The following WDPCP variants were observed in gnomAD, a reference collection of about 807,000 sequenced individuals.
The protein encoded by WDPCP is WD repeat-containing and planar cell polarity effector protein fritz homolog.
WDPCP carries 71 observed loss-of-function variants against 93.1 expected under a neutral mutation model. The ratio of observed to expected loss-of-function variants is 0.76; its 90% CI spans 0.63 to 0.93. WDPCP has a LOEUF of 0.93. WDPCP is among the 40% of genes least tolerant of loss of function. The pLI is 0.00. For synonymous variants in WDPCP, 315 were observed against 315.0 expected (o/e 1.00, Z 0.00); for missense variants, 844 against 887.4 (o/e 0.95, Z 0.62).
At chr2:63,467,359 A>G (rs1280594866) in intron 6 of WDPCP, among the ~76,000 whole-genome samples, 2 of 151,860 alleles carry the variant, frequency 1.3e-5, no homozygotes, top group South Asian at 4.2e-4. Flanking sequence ...ACACACTTAT[A>G]ATCCCAGCTG....
At position 63,362,258 on chromosome 2, in the gene WDPCP, C is replaced by CTTTT. The variant is rs67493046; in HGVS notation, c.1748+16124_1748+16127dup. 2.5e-3 allele frequency among the ~76,000 whole-genome samples: 235 copies of CTTTT among 93,232 alleles called. 12 individuals are homozygous for CTTTT. The highest frequency in any genetic ancestry group is 7.9e-3 in the Middle Eastern group (1 of 126). The allele number at this position is 93,232 out of a possible 152,430, so 61.2% of individuals were successfully genotyped here. A position where few individuals can be genotyped will look rare whatever the true frequency, so the allele number is the denominator to read the frequency against. ...TATCCTGGTAAAATCGGTAGAATCC[C>CTTTT]TTTTTTTTTTTTTTTTGGTTGTGTG... On this transcript the variant is annotated intron_variant, in intron 12 of 17. Coordinates refer to ENST00000272321, the MANE Select transcript of WDPCP (RefSeq NM_015910.7).
At chr2:63,721,820 G>T (rs6731502) in intron 2 of WDPCP, among the ~76,000 whole-genome samples, 4,538 of 151,398 alleles carry the variant, frequency 0.03, 184 homozygotes, top group African/African-American at 0.11. Flanking sequence ...CTGCCATCTC[G>T]GCTCACTGCA....
intron 14 of WDPCP, among the ~76,000 whole-genome samples, chr2:63,248,678 TCCCATAAATCTCATAGG>T (rs1680477789): frequency 6.6e-6 from 1 of 152,164 alleles, no homozygotes; most frequent in Admixed American, 6.6e-5. Flanking sequence ...TTTGATGATG[TCCCATAAATCTCATAGG>T]TTTAGTTCAC....
chr2:63,172,799 T>G (rs1471934437), intron 15 of WDPCP, among the ~76,000 whole-genome samples: 1 of 152,102 alleles, frequency 6.6e-6, no homozygotes, highest in Non-Finnish European at 1.5e-5. Flanking sequence ...GAAGACGCTA[T>G]AAAGTACCAT....
At chr2:63,433,679 TAGAA>T (rs1458689970) in intron 9 of WDPCP, 62 bp downstream of exon 9, 25 of 1,390,194 alleles carry the variant, frequency 1.8e-5, no homozygotes, top group Non-Finnish European at 2.4e-5. Flanking sequence ...TATTTCAGAA[TAGAA>T]AATCTAATAA....
At chr2:63,832,546 G>T (rs1054928234), upstream of WDPCP, among the ~76,000 whole-genome samples, 1 of 152,140 alleles carries the variant, frequency 6.6e-6, no homozygotes, top group Admixed American at 6.6e-5. Flanking sequence ...TATTACTGCA[G>T]GACTTGCTTA....
At chr2:63,259,438 G>T in intron 13 of WDPCP, 29 bp from the exon 14 acceptor site, 4 of 1,559,076 alleles carry the variant, frequency 2.6e-6, no homozygotes, top group South Asian at 2.2e-5. Flanking sequence ...ATAAAAGATT[G>T]ATTCAAAATG....
chr2:63,832,692 T>A (rs1432069795), upstream of WDPCP, among the ~76,000 whole-genome samples: 1 of 152,258 alleles, frequency 6.6e-6, no homozygotes, highest in African/African-American at 2.4e-5. Context: ...AATTCATTCA[T>A]AAATATCTCA....
At chr2:63,237,647 T>C (rs1331848352) in intron 14 of WDPCP, among the ~76,000 whole-genome samples, 1 of 152,054 alleles carries the variant, frequency 6.6e-6, no homozygotes, top group Admixed American at 6.6e-5. Context: ...TAGTCAGTCA[T>C]AAAAAAGAAT....
intron 12 of WDPCP, among the ~76,000 whole-genome samples, chr2:63,317,090 G>C (rs1686699611): frequency 1.3e-5 from 2 of 152,134 alleles, no homozygotes; most frequent in Admixed American, 1.3e-4. Flanking sequence ...TGGATAATAA[G>C]AATCAATACC....
At chr2:63,146,411 T>G (rs1003760594) in intron 17 of WDPCP, among the ~76,000 whole-genome samples, 7 of 151,292 alleles carry the variant, frequency 4.6e-5, no homozygotes, top group Non-Finnish European at 1.0e-4. Flanking sequence ...AGCGTGTTTT[T>G]TTTTTTTTTT....
intron 17 of WDPCP, among the ~76,000 whole-genome samples, chr2:63,130,773 A>C (rs1179243598): frequency 1.3e-5 from 2 of 152,010 alleles, no homozygotes; most frequent in Non-Finnish European, 2.9e-5. Flanking sequence ...TGGTTGTCCT[A>C]TCGATTATTG....
At chr2:63,583,353 G>C (rs1369790616) in intron 1 of WDPCP, among the ~76,000 whole-genome samples, 1 of 152,138 alleles carries the variant, frequency 6.6e-6, no homozygotes, top group Non-Finnish European at 1.5e-5. Context: ...ACAAATTGAA[G>C]ACAAATAGCA....
At chr2:63,358,493 G>A (rs1384967742) in intron 12 of WDPCP, among the ~76,000 whole-genome samples, 1 of 152,122 alleles carries the variant, frequency 6.6e-6, no homozygotes, top group African/African-American at 2.4e-5. Flanking sequence ...TAGAGACAGG[G>A]TCTTGCTCTG....
At chr2:63,798,898 T>C (rs950236609) in intron 2 of WDPCP, among the ~76,000 whole-genome samples, 2 of 152,106 alleles carry the variant, frequency 1.3e-5, no homozygotes, top group Non-Finnish European at 2.9e-5. Context: ...TCCATGCCAA[T>C]TAAAACAAAC....
intron 9 of WDPCP, among the ~76,000 whole-genome samples, chr2:63,411,059 T>G (rs1368395844): frequency 6.6e-6 from 1 of 152,184 alleles, no homozygotes; most frequent in East Asian, 1.9e-4. Flanking sequence ...ATACAGAACA[T>G]TTCATCCAAC....
chr2:63,188,616 G>C (rs543057619), intron 14 of WDPCP, among the ~76,000 whole-genome samples: 3 of 151,908 alleles, frequency 2.0e-5, no homozygotes, highest in Admixed American at 1.3e-4. Context: ...TCAGAGGCTT[G>C]AGCCATCATG....
At chr2:63,785,058 C>T (rs1670447990) in intron 2 of WDPCP, among the ~76,000 whole-genome samples, 1 of 152,190 alleles carries the variant, frequency 6.6e-6, no homozygotes, top group South Asian at 2.1e-4. Context: ...ATGAAACTAT[C>T]TCCTTCAAAC....
chr2:63,719,616 T>C lies in WDPCP; in HGVS notation n.309-68778A>G, dbSNP rs768354396. ...AATACAATTAACAAGTTTGATTTAATAGACGTGTGGTGGGTGGGCTGTGTG... is the reference window on the plus strand; with the variant it reads ...AATACAATTAACAAGTTTGATTTAACAGACGTGTGGTGGGTGGGCTGTGTG... On this transcript the variant is annotated intron_variant and non_coding_transcript_variant, in intron 2 of 4. Transcript: ENST00000467687. Among the ~76,000 whole-genome samples the C allele has an allele frequency of 2.6e-4, 40 of 152,272 alleles. 1 individual carries two copies. Among genetic ancestry groups the C allele is most frequent in the Middle Eastern group, 6.8e-3 (2 of 294 alleles).
Sources: gnomAD v4.1 joint callset for allele counts (sites outside exome capture counted in the v4.1 genomes callset) on GRCh38, gnomAD v4.1.1 for gene constraint, MANE v1.5 for transcripts, NCBI Gene and HGNC (gene_info 2026-07-23, HGNC 2026-07-21) for gene names.